The following RIPOR2 variants were observed in gnomAD, a reference collection of about 807,000 sequenced individuals.
RIPOR2 encodes the protein rho family-interacting cell polarization regulator 2.
Under a neutral mutation model 114.5 loss-of-function variants are expected in RIPOR2, and 39 were observed. The observed-to-expected ratio is 0.34, with a 90% CI of 0.26 to 0.44. RIPOR2 has a LOEUF of 0.44. Ranked by LOEUF, RIPOR2 falls within the 20% of genes least tolerant of loss-of-function variation. RIPOR2 has a pLI of 1.00. For synonymous variants in RIPOR2, 445 were observed against 484.4 expected (o/e 0.92, Z 1.07); for missense variants, 1,007 against 1,255.1 (o/e 0.80, Z 2.99).
chr6:24,823,945 C>G (rs1581492904), intron 19 of RIPOR2, among the ~76,000 whole-genome samples: 1 of 152,072 alleles, frequency 6.6e-6, no homozygotes, highest in Non-Finnish European at 1.5e-5. Context: ...TTAGTAGAGA[C>G]AGGGTTTCCC....
chr6:24,934,178 T>C (rs1177157551), intron 1 of RIPOR2, among the ~76,000 whole-genome samples: 1 of 152,210 alleles, frequency 6.6e-6, no homozygotes, highest in Non-Finnish European at 1.5e-5. Context: ...TAAGCTTATC[T>C]TCATAGTTGT....
intron 11 of RIPOR2, 110 bp from the exon 12 acceptor site, chr6:24,848,264 T>C: frequency 1.7e-6 from 2 of 1,144,998 alleles, no homozygotes; most frequent in Non-Finnish European, 2.4e-6. Context: ...CAACCAGAGG[T>C]TCAGAACTGG....
At chr6:24,866,556 G>A (rs569148395) in intron 6 of RIPOR2, among the ~76,000 whole-genome samples, 2 of 138,390 alleles carry the variant, frequency 1.4e-5, no homozygotes, top group Non-Finnish European at 3.1e-5. Context: ...GTCTTGCTAT[G>A]TTGCTCAGGC....
intron 14 of RIPOR2, among the ~76,000 whole-genome samples, chr6:24,837,855 A>T (rs78592032): frequency 0.026 from 3,898 of 152,232 alleles, 167 homozygotes; most frequent in African/African-American, 0.085. Context: ...GGACAACAAC[A>T]AACAAAAACT....
intron 1 of RIPOR2, among the ~76,000 whole-genome samples, chr6:24,946,083 TA>T (rs1772389745): frequency 1.2e-5 from 1 of 84,196 alleles, no homozygotes; most frequent in Non-Finnish European, 2.5e-5. Flanking sequence ...TATTTATTTT[TA>T]ATTAATTTTT....
intron 1 of RIPOR2, among the ~76,000 whole-genome samples, chr6:24,960,897 AAGACTCTCCCC>A (rs1773272364): frequency 1.3e-5 from 2 of 152,108 alleles, no homozygotes; most frequent in South Asian, 4.1e-4. Flanking sequence ...TCCAGCCCCC[AAGACTCTCCCC>A]AGTCATACGA....
intron 1 of RIPOR2, among the ~76,000 whole-genome samples, chr6:24,977,412 A>C (rs1774114776): frequency 6.6e-6 from 1 of 152,202 alleles, no homozygotes; most frequent in South Asian, 2.1e-4. Flanking sequence ...AATCATAATA[A>C]AGGTACATGT....
chr6:24,952,778 A>C (rs568021830), intron 1 of RIPOR2, among the ~76,000 whole-genome samples: 1 of 152,278 alleles, frequency 6.6e-6, no homozygotes, highest in Non-Finnish European at 1.5e-5. Flanking sequence ...TGACTCCAGC[A>C]CACCACTAGA....
intron 1 of RIPOR2, among the ~76,000 whole-genome samples, chr6:24,921,460 A>G (rs369689): frequency 0.23 from 34,656 of 151,784 alleles, 5,897 homozygotes; most frequent in African/African-American, 0.48. Context: ...CACCATGCCC[A>G]GCCTTAGATC....
intron 1 of RIPOR2, among the ~76,000 whole-genome samples, chr6:24,881,002 G>A (rs766016235): frequency 2.5e-4 from 38 of 152,310 alleles, no homozygotes; most frequent in Non-Finnish European, 1.6e-4. Flanking sequence ...CCAGCACTTT[G>A]GGAGGCCGAG....
At chr6:24,810,167 G>C (rs148224408) in intron 20 of RIPOR2, among the ~76,000 whole-genome samples, 608 of 152,196 alleles carry the variant, frequency 4.0e-3, no homozygotes, top group Non-Finnish European at 6.8e-3. Context: ...TTTACCTATG[G>C]GGTCAAACCT....
At chr6:24,957,956 G>A (rs565542236) in intron 1 of RIPOR2, among the ~76,000 whole-genome samples, 1 of 152,134 alleles carries the variant, frequency 6.6e-6, no homozygotes, top group East Asian at 1.9e-4. Flanking sequence ...TGGTGGTATT[G>A]TAAACTGGAT....
intron 7 of RIPOR2, among the ~76,000 whole-genome samples, chr6:24,864,806 C>T (rs1169856566): frequency 6.6e-6 from 1 of 152,144 alleles, no homozygotes; most frequent in African/African-American, 2.4e-5. Context: ...CAGAGGGTTA[C>T]TGATCCAACA....
chr6:25,028,458 G>A (rs978448684), intron 1 of RIPOR2, among the ~76,000 whole-genome samples: 2 of 152,262 alleles, frequency 1.3e-5, no homozygotes, highest in African/African-American at 4.8e-5. Context: ...CTGCCACACT[G>A]TGGCCTGTGA....
chr6:25,040,411 C>T (rs34322558), intron 1 of RIPOR2, among the ~76,000 whole-genome samples: 19,540 of 152,036 alleles, frequency 0.13, 1,537 homozygotes, highest in Non-Finnish European at 0.18. Flanking sequence ...CCACCGCGCC[C>T]GGCCTGTGTG....
In RIPOR2 at chr6:24,862,099, T is replaced by C. The variant is rs183021397; in HGVS notation, c.652-1063A>G. ...CCATCTGTGCATGTGGTTAGATACATAACTAGCCTCACCCTACTTCCTCAA... is the reference window on the plus strand; with the variant it reads ...CCATCTGTGCATGTGGTTAGATACACAACTAGCCTCACCCTACTTCCTCAA... On this transcript the variant is annotated intron_variant, in intron 7 of 21. Coordinates refer to ENST00000643898, the MANE Select transcript of RIPOR2 (RefSeq NM_001286445.3). Among the ~76,000 whole-genome samples the C allele has an allele frequency of 6.6e-4, 101 of 152,366 alleles. 1 individual carries two copies. The highest frequency in any genetic ancestry group is 3.4e-3 in the Middle Eastern group (1 of 294).
At chr6:25,022,487 A>T (rs796747343) in intron 1 of RIPOR2, among the ~76,000 whole-genome samples, 1 of 148,708 alleles carries the variant, frequency 6.7e-6, no homozygotes, top group African/African-American at 2.5e-5. Flanking sequence ...TAAAGGACAA[A>T]TATTTCTTTT....
chr6:24,976,377 T>A, intron 1 of RIPOR2: 1 of 1,260,212 alleles, frequency 7.9e-7, no homozygotes, highest in Non-Finnish European at 1.1e-6. Context: ...GAGAAAAGGC[T>A]TTGCAGACGC....
rs9366587 is a variant in RIPOR2, at chr6:24,858,309, A to C, written c.715+2664T>G. ...TACTTGCTCTATTATCTTTAATGTC[A>C]CTACCCCAAAAGGTTGTTTTCTAGT... On this transcript the variant is annotated intron_variant, in intron 8 of 21. Transcript: ENST00000643898. This position sits in a 1 kb window ranked among gnomAD's most constrained non-coding sequence, Gnocchi z 4.0. Among the ~76,000 whole-genome samples, 47,683 of 152,018 alleles carry C rather than the reference A, an allele frequency of 0.31. 7,928 individuals are homozygous for C. Among genetic ancestry groups the C allele is most frequent in the Non-Finnish European group, 0.38 (25,539 of 67,952 alleles).
Sources: allele counts gnomAD v4.1 joint callset (sites outside exome capture counted in the v4.1 genomes callset), GRCh38; gene constraint gnomAD v4.1.1; non-coding constraint Gnocchi (gnomAD v3.1); transcripts MANE v1.5; gene names NCBI Gene and HGNC (gene_info 2026-07-23, HGNC 2026-07-21).